The following SF3B3 variants were observed in gnomAD, a reference collection of about 807,000 sequenced individuals.
The protein encoded by SF3B3 is splicing factor 3b subunit 3.
In SF3B3, 33 loss-of-function variants were observed where a neutral mutation model predicts 139.2. That is an observed-to-expected ratio of 0.24 (90% CI 0.18 to 0.32). The LOEUF (loss-of-function observed/expected upper bound fraction) is 0.32, where lower values mean the gene tolerates loss of function less well. SF3B3 is among the 10% of genes least tolerant of loss of function. SF3B3 has a pLI of 1.00. For synonymous variants in SF3B3, 596 were observed against 563.6 expected, an observed-to-expected ratio of 1.06 and a Z score of -0.81; for missense variants, 818 against 1,509.4, an observed-to-expected ratio of 0.54 and a Z score of 7.59.
chr16:70,555,477 CAAA>C (rs33955800), intron 13 of SF3B3, among the ~76,000 whole-genome samples: 56 of 73,108 alleles, frequency 7.7e-4, no homozygotes, highest in East Asian at 5.3e-3. Flanking sequence ...GACTCCGTCT[CAAA>C]AAAAAAAAAA....
At chr16:70,540,596 A>T (rs1017081016) in intron 8 of SF3B3, among the ~76,000 whole-genome samples, 9 of 152,068 alleles carry the variant, frequency 5.9e-5, no homozygotes, top group Non-Finnish European at 1.5e-5. Context: ...TTCTGGACTT[A>T]AGCAATCCAA....
chr16:70,533,099 C>T (rs1296011789), intron 5 of SF3B3, among the ~76,000 whole-genome samples: 2 of 152,178 alleles, frequency 1.3e-5, no homozygotes, highest in African/African-American at 4.8e-5. Flanking sequence ...GAAATTGAAG[C>T]AGTAGTCCAA....
intron 21 of SF3B3, 33 bp from the exon 22 acceptor site, chr16:70,568,250 A>G: frequency 6.6e-7 from 1 of 1,522,466 alleles, no homozygotes; most frequent in Non-Finnish European, 9.1e-7. Flanking sequence ...CCAAGATTAC[A>G]CCCACCATCA....
At position 70,539,143 on chromosome 16, in the gene SF3B3, G is replaced by A. The variant is rs757275745; in HGVS notation, c.1003G>A (p.Val335Ile). Residue 335 changes from valine (V) to isoleucine (I), a missense_variant, in exon 8 of 26, where the codon GTT becomes ATT. By Grantham distance (29) the Val-to-Ile change is conservative. Transcript: ENST00000302516. ...IRLKYFDTVP[V>I]AAAMCVLKTG... ...GCTCAAATATTTTGATACTGTACCC[G>A]TTGCTGCTGCCATGTGTGTGCTTAA... 144 of 1,613,976 alleles carry A rather than the reference G, an allele frequency of 8.9e-5. No individual in the cohort carries two copies. Among genetic ancestry groups the A allele is most frequent in the Non-Finnish European group, 1.2e-4 (137 of 1,179,972 alleles).
chr16:70,568,975 C>T (rs1324872369), intron 22 of SF3B3, 68 bp from the exon 23 acceptor site: 3 of 1,150,152 alleles, frequency 2.6e-6, no homozygotes, highest in Middle Eastern at 5.8e-4. Context: ...CTGGCCAGAC[C>T]TGTTGCTTGG....
At position 70,523,827 on chromosome 16, in the gene SF3B3, G is replaced by C. The variant is rs983675242; in HGVS notation, c.-172G>C. On this transcript the variant is annotated 5_prime_UTR_variant, in exon 1 of 26. Transcript: ENST00000302516. The stretch of plus-strand genomic sequence containing the variant: ...CGCGCCACCAGAATGTCCCTGTCTT[G>C]AGGTCTAATGGCGGACGCCAGTATG... 20 of 564,050 alleles carry C rather than the reference G, an allele frequency of 3.5e-5. No homozygotes were observed. Among genetic ancestry groups the C allele is most frequent in the Non-Finnish European group, 5.6e-5 (18 of 320,568 alleles). 34.9% of individuals were successfully genotyped at this position (564,050 alleles called of 1,614,324 possible). A position where few individuals can be genotyped will look rare whatever the true frequency, so the allele number is the denominator to read the frequency against.
intron 16 of SF3B3, 46 bp from the exon 17 acceptor site, chr16:70,561,584 T>G: frequency 3.2e-6 from 5 of 1,586,206 alleles, no homozygotes; most frequent in Non-Finnish European, 4.3e-6. Context: ...CATATTTGTA[T>G]TTTTTCCCAA....
intron 15 of SF3B3, among the ~76,000 whole-genome samples, chr16:70,557,249 A>G (rs1300951345): frequency 6.6e-6 from 1 of 152,236 alleles, no homozygotes; most frequent in Admixed American, 6.5e-5. Flanking sequence ...CATCTGATAA[A>G]TGCTGTTTGA....
Position 70,575,685 on chromosome 16 carries a change from G to A in SF3B3, c.*3872G>A, listed in dbSNP as rs1008005864. 6.6e-6 allele frequency: 1 copy of A among 152,326 alleles called. No homozygotes were observed. Among genetic ancestry groups the A allele is most frequent in the African/African-American group, 2.4e-5 (1 of 41,472 alleles). The allele number at this position is 152,326 out of a possible 1,614,324, so 9.4% of individuals were successfully genotyped here. A position where few individuals can be genotyped will look rare whatever the true frequency, so the allele number is the denominator to read the frequency against. On this transcript the variant is annotated 3_prime_UTR_variant, in exon 26 of 26. Coordinates refer to ENST00000302516, the MANE Select transcript of SF3B3 (RefSeq NM_012426.5). ...GTCGCTGTGAGGTTGGTGGTGAGGT[G>A]AGTCTGCCAGAGGGCCTGCCACCAG...
chr16:70,563,690 C>T, intron 17 of SF3B3, 186 bp from the exon 18 acceptor site: 2 of 562,540 alleles, frequency 3.6e-6, no homozygotes, highest in South Asian at 4.9e-5. Flanking sequence ...AATGGGAAGG[C>T]CCTTCCTGGA....
At chr16:70,537,924 C>T in intron 6 of SF3B3, 1 of 433,156 alleles carries the variant, frequency 2.3e-6, no homozygotes, top group Non-Finnish European at 4.6e-6. Context: ...AAAAAAAATT[C>T]AAAGTCATAC....
rs2050537316 is a variant in SF3B3 at position 70,572,343 on chromosome 16, A to T, written c.*530A>T. 3.9e-6 allele frequency: 1 copy of T among 253,654 alleles called. No homozygotes were observed. The highest frequency in any genetic ancestry group is 2.3e-5 in the African/African-American group (1 of 43,116). The allele number at this position is 253,654 out of a possible 1,614,324, so 15.7% of individuals were successfully genotyped here. On this transcript the variant is annotated 3_prime_UTR_variant, in exon 26 of 26. Transcript: ENST00000302516. ...TTCTGGAGATGAGGATGTAGGTGGG[A>T]GGTTTGAACCCAAGTTAGAGCAGGA...
chr16:70,526,561 T>A (rs1252101676), intron 1 of SF3B3, 26 bp from the exon 2 acceptor site: 8 of 792,696 alleles, frequency 1.0e-5, no homozygotes, highest in Admixed American at 7.8e-5. Context: ...GTCTCCCAGC[T>A]ATTTTTCTGT....
rs2168607 is a variant in SF3B3 at position 70,576,371 on chromosome 16, C to G, written c.*4558C>G. 1 of 150,984 alleles carries G rather than the reference C, an allele frequency of 6.6e-6. No individual in the cohort carries two copies. Among genetic ancestry groups the G allele is most frequent in the Non-Finnish European group, 1.5e-5 (1 of 67,856 alleles). 9.4% of individuals were successfully genotyped at this position (150,984 alleles called of 1,614,324 possible). On this transcript the variant is annotated 3_prime_UTR_variant, in exon 26 of 26. Transcript: ENST00000302516. Reference sequence around the variant, plus strand: ...GAGGCAAGCCCCCTTCAGTTTCCCACCTCTCACTCTGCCTTCCAGAGCCTA... The same window carrying G: ...GAGGCAAGCCCCCTTCAGTTTCCCAGCTCTCACTCTGCCTTCCAGAGCCTA...
At chr16:70,554,994 A>T in intron 12 of SF3B3, 57 bp from the exon 13 acceptor site, 1 of 1,544,388 alleles carries the variant, frequency 6.5e-7, no homozygotes, top group Non-Finnish European at 8.9e-7. Context: ...TGTGAGGGTC[A>T]TTCTGAGTGA....
At chr16:70,536,301 A>G (rs956847151) in intron 6 of SF3B3, among the ~76,000 whole-genome samples, 1 of 151,784 alleles carries the variant, frequency 6.6e-6, no homozygotes, top group Non-Finnish European at 1.5e-5. Flanking sequence ...CCATGTAGCC[A>G]GGATTACAGG....
intron 11 of SF3B3, among the ~76,000 whole-genome samples, chr16:70,551,577 C>T (rs2050325761): frequency 6.6e-6 from 1 of 152,158 alleles, no homozygotes; most frequent in African/African-American, 2.4e-5. Flanking sequence ...TGGCACATGC[C>T]TGTAATCCTA....
intron 4 of SF3B3, 43 bp downstream of exon 4, chr16:70,530,960 A>G: frequency 1.9e-6 from 3 of 1,543,736 alleles, no homozygotes; most frequent in South Asian, 1.2e-5. Context: ...CAGTCACCTC[A>G]GTGTTTTTTT....
chr16:70,558,306 G>C (rs1350017668), intron 15 of SF3B3, among the ~76,000 whole-genome samples: 2 of 151,490 alleles, frequency 1.3e-5, no homozygotes, highest in African/African-American at 2.4e-5. Flanking sequence ...AATAGAGATA[G>C]GGTCTCGCTG....
Sources: allele counts gnomAD v4.1 joint callset (sites outside exome capture counted in the v4.1 genomes callset), GRCh38; gene constraint gnomAD v4.1.1; transcripts MANE v1.5; gene names NCBI Gene and HGNC (gene_info 2026-07-23, HGNC 2026-07-21).